DLG2: variants seen among roughly 807,000 people sequenced by gnomAD.
DLG2 encodes discs large MAGUK scaffold protein 2.
DLG2 carries 45 observed loss-of-function variants against 132.5 expected under a neutral mutation model. The ratio of observed to expected loss-of-function variants is 0.34; its 90% CI spans 0.27 to 0.44. The LOEUF (loss-of-function observed/expected upper bound fraction) is 0.44. DLG2 is among the 20% of genes least tolerant of loss of function. The probability of loss-of-function intolerance (pLI) is 1.00; values close to 1 mark genes in which losing one functional copy is unlikely to be tolerated. For missense variants in DLG2, 1,045 were observed against 1,196.9 expected (o/e 0.87, Z 1.87); for synonymous variants, 424 against 419.6 (o/e 1.01, Z -0.13).
chr11:85,372,936 C>CA (rs2085105562), intron 3 of DLG2, among the ~76,000 whole-genome samples: 7 of 152,204 alleles, frequency 4.6e-5, no homozygotes. Context: ...GTACCCATTT[C>CA]AAATGCATCC....
chr11:83,471,126 G>A (rs1373204735), intron 24 of DLG2, among the ~76,000 whole-genome samples: 1 of 152,092 alleles, frequency 6.6e-6, no homozygotes, highest in East Asian at 1.9e-4. Flanking sequence ...TCAAATTGAA[G>A]TGTTACACAT....
rs113339498 is a variant in DLG2, at chr11:85,530,962, A to T, written c.40+67695T>A. On this transcript the variant is annotated intron_variant, in intron 3 of 27. Transcript: ENST00000376104. ...AGCAGGAAGAGTTAGGGGACCACTCAGAACTTCTTAGAGGCTTTCTGCCCT... is the reference window on the plus strand; with the variant it reads ...AGCAGGAAGAGTTAGGGGACCACTCTGAACTTCTTAGAGGCTTTCTGCCCT... 1.8e-3 allele frequency among the ~76,000 whole-genome samples: 269 copies of T among 152,364 alleles called. 1 individual carries two copies. The highest frequency in any genetic ancestry group is 6.3e-3 in the African/African-American group (261 of 41,588).
chr11:84,599,128 C>A (rs1190697215), intron 6 of DLG2, among the ~76,000 whole-genome samples: 2 of 152,184 alleles, frequency 1.3e-5, no homozygotes, highest in Non-Finnish European at 2.9e-5. Flanking sequence ...GCCTGTAATT[C>A]CAGCTACTCA....
chr11:84,173,068 G>T (rs1203365061), intron 8 of DLG2, among the ~76,000 whole-genome samples: 1 of 151,988 alleles, frequency 6.6e-6, no homozygotes. Flanking sequence ...ATAGCTTAGG[G>T]TTCTTATATG....
intron 6 of DLG2, among the ~76,000 whole-genome samples, chr11:84,776,474 T>C (rs1269411378): frequency 2.0e-5 from 3 of 152,142 alleles, no homozygotes; most frequent in African/African-American, 7.2e-5. Context: ...TTGATTAACA[T>C]TTCTACTCAT....
At chr11:84,780,982 T>C (rs72945887) in intron 6 of DLG2, among the ~76,000 whole-genome samples, 36,974 of 133,854 alleles carry the variant, frequency 0.28, 5,534 homozygotes, top group Middle Eastern at 0.34. Context: ...TGAAGTGCTT[T>C]ACTCCAGGAT....
At chr11:85,085,478 C>A (rs1344541232) in intron 6 of DLG2, among the ~76,000 whole-genome samples, 3 of 151,832 alleles carry the variant, frequency 2.0e-5, no homozygotes, top group South Asian at 4.2e-4. Context: ...TGTATTTTAC[C>A]TTCCCAATTA....
chr11:83,680,038 A>G (rs1008807674), intron 18 of DLG2, among the ~76,000 whole-genome samples: 2 of 152,140 alleles, frequency 1.3e-5, no homozygotes, highest in African/African-American at 4.8e-5. Context: ...TTTTGTGTGT[A>G]TGTGTCCTGT....
chr11:83,587,829 G>A (rs1048254877), intron 19 of DLG2, among the ~76,000 whole-genome samples: 1 of 152,216 alleles, frequency 6.6e-6, no homozygotes, highest in African/African-American at 2.4e-5. Context: ...CCTCACTTGG[G>A]AAGTGCAAGG....
chr11:85,376,810 T>G (rs2085441908), intron 3 of DLG2, among the ~76,000 whole-genome samples: 1 of 152,152 alleles, frequency 6.6e-6, no homozygotes, highest in African/African-American at 2.4e-5. Context: ...GGTATGATAG[T>G]GAGAGTGATA....
intron 2 of DLG2, among the ~76,000 whole-genome samples, chr11:85,603,644 G>A (rs536139665): frequency 6.7e-5 from 10 of 149,880 alleles, no homozygotes; most frequent in South Asian, 4.6e-4. Context: ...GGCCAGGCAC[G>A]GTGGCTCACA....
chr11:85,079,484 ATTTTT>A (rs35913627), intron 6 of DLG2, among the ~76,000 whole-genome samples: 2 of 137,664 alleles, frequency 1.5e-5, no homozygotes. Context: ...GAGGCTTAGA[ATTTTT>A]TTTTTTTTTT....
chr11:83,471,816 G>T, intron 23 of DLG2, 89 bp from the exon 24 acceptor site: 1 of 995,922 alleles, frequency 1.0e-6, no homozygotes, highest in Non-Finnish European at 1.6e-6. Flanking sequence ...TTAATTGCCA[G>T]ACAGTAAGAG....
At position 83,836,591 on chromosome 11, in the gene DLG2, C is replaced by T. The variant is rs1470591690; in HGVS notation, c.1566-2821G>A. Among the ~76,000 whole-genome samples the T allele has an allele frequency of 2.0e-5, 3 of 152,256 alleles. No individual in the cohort carries two copies. The East Asian group carries it at 5.8e-4, about 29-fold the overall frequency. ...GGCCAGGCCCACCCAGATAATTTTCCTATCTTAACTGATTAGTAACCTTAA... is the reference window on the plus strand; with the variant it reads ...GGCCAGGCCCACCCAGATAATTTTCTTATCTTAACTGATTAGTAACCTTAA... On this transcript the variant is annotated intron_variant, in intron 16 of 27. Coordinates refer to ENST00000376104, the MANE Select transcript of DLG2 (RefSeq NM_001142699.3).
intron 7 of DLG2, among the ~76,000 whole-genome samples, chr11:84,444,363 A>G (rs1181089780): frequency 1.3e-5 from 2 of 152,202 alleles, no homozygotes; most frequent in Non-Finnish European, 2.9e-5. Flanking sequence ...CTGCACATGT[A>G]CCCAATAACT....
At chr11:84,025,534 ACT>A (rs2095515394) in intron 11 of DLG2, among the ~76,000 whole-genome samples, 1 of 152,128 alleles carries the variant, frequency 6.6e-6, no homozygotes, top group Non-Finnish European at 1.5e-5. Context: ...ATATAGAAAT[ACT>A]CACTAATAAA....
intron 3 of DLG2, among the ~76,000 whole-genome samples, chr11:85,385,367 A>C (rs1459059336): frequency 6.6e-6 from 1 of 152,176 alleles, no homozygotes; most frequent in Non-Finnish European, 1.5e-5. Context: ...GAGCAGCTAT[A>C]GGTTTTTTGT....
chr11:84,526,088 C>T (rs2099319764), intron 7 of DLG2, among the ~76,000 whole-genome samples: 1 of 152,048 alleles, frequency 6.6e-6, no homozygotes, highest in African/African-American at 2.4e-5. Context: ...AGTATATGTG[C>T]CCAACCAAAA....
At chr11:84,572,534 A>C (rs186501144) in intron 6 of DLG2, among the ~76,000 whole-genome samples, 18 of 152,260 alleles carry the variant, frequency 1.2e-4, no homozygotes, top group Admixed American at 1.2e-3. Context: ...AGATCAACCA[A>C]GCCTGGCCTA....
Sources: allele counts gnomAD v4.1 joint callset (sites outside exome capture counted in the v4.1 genomes callset), GRCh38; gene constraint gnomAD v4.1.1; transcripts MANE v1.5; gene names NCBI Gene and HGNC (gene_info 2026-07-23, HGNC 2026-07-21).